TENM3: variants seen among roughly 807,000 people sequenced by gnomAD.
The protein encoded by TENM3 is teneurin-3.
A neutral mutation model predicts 255.1 loss-of-function variants in TENM3; 63 were observed. The ratio of observed to expected loss-of-function variants is 0.25; its 90% CI spans 0.20 to 0.30. The LOEUF is 0.30. Among genes scored for constraint, TENM3 ranks in the 10% least tolerant of loss-of-function variants. The pLI is 1.00. For missense variants in TENM3, 2,929 were observed against 3,461.1 expected, an observed-to-expected ratio of 0.85 and a Z score of 3.86; for synonymous variants, 1,306 against 1,322.3, an observed-to-expected ratio of 0.99 and a Z score of 0.27.
the TENM3 span, among the ~76,000 whole-genome samples, chr4:181,649,877 C>T: frequency 6.6e-6 from 1 of 152,136 alleles, no homozygotes; most frequent in Admixed American, 6.5e-5. Context: ...TTCCAGTCAA[C>T]TTGGATCAGG....
chr4:181,593,932 T>C, the TENM3 span, among the ~76,000 whole-genome samples: 1 of 152,174 alleles, frequency 6.6e-6, no homozygotes, highest in South Asian at 2.1e-4. Context: ...AGGCATGTTC[T>C]AGCAATCCTG....
At chr4:181,508,447 G>A in the TENM3 span, among the ~76,000 whole-genome samples, 3 of 152,236 alleles carry the variant, frequency 2.0e-5, no homozygotes, top group Non-Finnish European at 2.9e-5. Flanking sequence ...TTATTGAAGT[G>A]GGTATGATGC....
the TENM3 span, among the ~76,000 whole-genome samples, chr4:181,770,490 G>C: frequency 0.014 from 2,113 of 151,960 alleles, 25 homozygotes; most frequent in Middle Eastern, 0.034. Context: ...CTGGCTAACA[G>C]GGTGAAACCC....
chr4:181,617,205 C>A, the TENM3 span, among the ~76,000 whole-genome samples: 1 of 152,144 alleles, frequency 6.6e-6, no homozygotes, highest in Non-Finnish European at 1.5e-5. Flanking sequence ...TCAAATATTT[C>A]ATCATATTCA....
At chr4:182,043,704 C>T in the TENM3 span, among the ~76,000 whole-genome samples, 1 of 152,140 alleles carries the variant, frequency 6.6e-6, no homozygotes, top group Admixed American at 6.6e-5. Context: ...ATGGGAGCCA[C>T]GCACCTAATT....
At chr4:181,610,245 C>A in the TENM3 span, among the ~76,000 whole-genome samples, 2 of 151,900 alleles carry the variant, frequency 1.3e-5, no homozygotes, top group Admixed American at 6.6e-5. Context: ...TCTATGGGCA[C>A]AATCCTCATT....
At chr4:182,177,966 T>G (rs78343015) in intron 1 of TENM3, among the ~76,000 whole-genome samples, 7 of 146,570 alleles carry the variant, frequency 4.8e-5, no homozygotes, top group African/African-American at 1.2e-4. Flanking sequence ...TTGTTTTTTT[T>G]TTTTTTTTTG....
the TENM3 span, among the ~76,000 whole-genome samples, chr4:182,087,439 A>T: frequency 3.3e-5 from 5 of 152,202 alleles, no homozygotes; most frequent in Admixed American, 2.0e-4. Context: ...ACGAAGGCAC[A>T]TGGTATACCA....
At chr4:181,533,879 C>A in the TENM3 span, among the ~76,000 whole-genome samples, 1 of 152,162 alleles carries the variant, frequency 6.6e-6, no homozygotes, top group Non-Finnish European at 1.5e-5. Context: ...TTATCACTGA[C>A]AACTTTAACC....
the TENM3 span, among the ~76,000 whole-genome samples, chr4:182,132,317 A>G: frequency 6.6e-6 from 1 of 151,620 alleles, no homozygotes; most frequent in Non-Finnish European, 1.5e-5. Flanking sequence ...GTCTCTACTA[A>G]AAAAAAACCA....
upstream of TENM3, among the ~76,000 whole-genome samples, chr4:182,239,260 TA>T (rs1319082796): frequency 6.6e-6 from 1 of 151,942 alleles, no homozygotes; most frequent in Non-Finnish European, 1.5e-5. Context: ...GTATTTTTAG[TA>T]AAGATGAGGT....
At chr4:181,830,987 C>T in the TENM3 span, among the ~76,000 whole-genome samples, 6 of 152,224 alleles carry the variant, frequency 3.9e-5, no homozygotes, top group South Asian at 2.1e-4. Flanking sequence ...AATTAGACAC[C>T]GGCCTCATCA....
intron 24 of TENM3, among the ~76,000 whole-genome samples, chr4:182,781,951 CTTT>C (rs1765204949): frequency 7.2e-6 from 1 of 139,772 alleles, no homozygotes; most frequent in African/African-American, 2.6e-5. Flanking sequence ...CTCTTTTTTT[CTTT>C]ATTAGTCTTG....
the TENM3 span, among the ~76,000 whole-genome samples, chr4:181,991,032 T>C: frequency 7.1e-3 from 1,083 of 152,280 alleles, 9 homozygotes; most frequent in African/African-American, 0.025. Context: ...TTGTTATCTG[T>C]AGGGGAGGAT....
At chr4:182,084,687 T>C in the TENM3 span, among the ~76,000 whole-genome samples, 4 of 152,296 alleles carry the variant, frequency 2.6e-5, no homozygotes, top group South Asian at 2.1e-4. Flanking sequence ...CTGACTATCA[T>C]TAAAAAATGA....
intron 1 of TENM3, among the ~76,000 whole-genome samples, chr4:182,214,666 A>G (rs1236119109): frequency 6.6e-6 from 1 of 151,370 alleles, no homozygotes; most frequent in Admixed American, 6.6e-5. Context: ...GCACCAGACA[A>G]TTATATTTAT....
At chr4:182,177,904 C>T (rs546703691) in intron 1 of TENM3, among the ~76,000 whole-genome samples, 1 of 146,070 alleles carries the variant, frequency 6.8e-6, no homozygotes, top group African/African-American at 2.5e-5. Flanking sequence ...AATCTATGGG[C>T]AAAAGACGAA....
intron 6 of TENM3, among the ~76,000 whole-genome samples, chr4:182,664,752 GGATAGACGA>G (rs1754513084): frequency 6.6e-6 from 1 of 152,198 alleles, no homozygotes; most frequent in Non-Finnish European, 1.5e-5. Flanking sequence ...TGAGTGGCCT[GGATAGACGA>G]TCAAACCAGA....
chr4:181,601,614 A>C, the TENM3 span, among the ~76,000 whole-genome samples: 1 of 152,180 alleles, frequency 6.6e-6, no homozygotes, highest in Admixed American at 6.5e-5. Context: ...AAAGTTGAGT[A>C]TTTATATATA....
Sources: gnomAD v4.1 joint callset for allele counts (sites outside exome capture counted in the v4.1 genomes callset) on GRCh38, gnomAD v4.1.1 for gene constraint, MANE v1.5 for transcripts, NCBI Gene and HGNC (gene_info 2026-07-23, HGNC 2026-07-21) for gene names.